The following PSMB7 variants were observed in gnomAD, a reference collection of about 807,000 sequenced individuals.
PSMB7 encodes the protein proteasome 20S subunit beta 7.
A neutral mutation model predicts 28.1 loss-of-function variants in PSMB7; 5 were observed. That is an observed-to-expected ratio of 0.18 (90% CI 0.09 to 0.37). The LOEUF (loss-of-function observed/expected upper bound fraction) is 0.37, where lower values mean the gene tolerates loss of function less well. Ranked by LOEUF, PSMB7 falls within the 10% of genes least tolerant of loss-of-function variation. The pLI is 1.00. For synonymous variants in PSMB7, 122 were observed against 123.7 expected (o/e 0.99, Z 0.09); for missense variants, 275 against 346.2 (o/e 0.79, Z 1.63).
intron 6 of PSMB7, among the ~76,000 whole-genome samples, chr9:124,369,419 T>C (rs1478409066): frequency 3.3e-5 from 5 of 152,160 alleles, no homozygotes; most frequent in Non-Finnish European, 1.5e-5. Context: ...CCAATTACAC[T>C]GCAACATAAA....
chr9:124,356,753 C>A lies in PSMB7; in HGVS notation c.722+11G>T. 4.4e-6 allele frequency: 7 copies of A among 1,606,806 alleles called. No homozygotes were observed. The highest frequency in any genetic ancestry group is 6.0e-6 in the Non-Finnish European group (7 of 1,174,730). ...AGGGGACCCAGGAAGAACTTCGTCT[C>A]CTTCACTCACCTGGTCCCCTTCTTG... is the stretch of plus-strand genomic sequence containing the variant. On this transcript the variant is annotated intron_variant, in intron 7 of 7. Coordinates refer to ENST00000259457, the MANE Select transcript of PSMB7 (RefSeq NM_002799.4). The surrounding 1 kb of genome is among the most constrained non-coding windows in gnomAD (Gnocchi z 4.4).
intron 3 of PSMB7, among the ~76,000 whole-genome samples, chr9:124,412,885 G>GAGGCCTTGTGCTCAAAGTTGAGT (rs1310462567): frequency 1.3e-5 from 2 of 152,136 alleles, no homozygotes; most frequent in South Asian, 4.1e-4. Flanking sequence ...GAAAATATGA[G>GAGGCCTTGTGCTCAAAGTTGAGT]AGGCCTTGTG....
chr9:124,374,780 T>A (rs1024225931), intron 6 of PSMB7, among the ~76,000 whole-genome samples: 11 of 152,008 alleles, frequency 7.2e-5, no homozygotes, highest in African/African-American at 2.7e-4. Flanking sequence ...GTTTTAAGTG[T>A]GCCACTGCAC....
chr9:124,392,048 A>G (rs971512467), intron 5 of PSMB7, among the ~76,000 whole-genome samples: 25 of 152,250 alleles, frequency 1.6e-4, no homozygotes, highest in Admixed American at 1.3e-3. Flanking sequence ...AGGGGAAAAC[A>G]TTCATTGACG....
intron 6 of PSMB7, among the ~76,000 whole-genome samples, chr9:124,374,374 G>A (rs1271719940): frequency 6.6e-6 from 1 of 152,182 alleles, no homozygotes; most frequent in Non-Finnish European, 1.5e-5. Flanking sequence ...AGTTAGAACA[G>A]GTGAACTGCA....
Position 124,412,399 on chromosome 9 carries a change from A to G in PSMB7, c.348T>C (p.Leu116=). Residue 116 remains leucine (L), a synonymous_variant, in exon 4 of 8, where the codon CTT becomes CTC. Transcript: ENST00000259457. ...TCCGATTGGCTGTCACAACTCTGGG[A>G]AGACGGCCAGTGGAGAGGGAGTGGA... The part of the protein sequence containing the change: ...LELHSLSTGR[L]PRVVTANRML... 6.2e-7 allele frequency: 1 copy of G among 1,614,146 alleles called. No individual in the cohort carries two copies. The highest frequency in any genetic ancestry group is 8.5e-7 in the Non-Finnish European group (1 of 1,179,996).
At chr9:124,415,319 C>G (rs1456482304) in intron 1 of PSMB7, 45 bp downstream of exon 1, 4 of 1,591,606 alleles carry the variant, frequency 2.5e-6, no homozygotes, top group Non-Finnish European at 3.4e-6. Context: ...ACCCGAGCAC[C>G]GCACTCTTCT....
intron 6 of PSMB7, among the ~76,000 whole-genome samples, chr9:124,368,986 G>T (rs183687021): frequency 1.3e-5 from 2 of 152,278 alleles, no homozygotes; most frequent in East Asian, 3.9e-4. Context: ...CCATTCAGCT[G>T]AGTTAAAAGC....
chr9:124,354,422 TC>T (rs1289768261), intron 7 of PSMB7, among the ~76,000 whole-genome samples: 2 of 152,204 alleles, frequency 1.3e-5, no homozygotes, highest in East Asian at 3.8e-4. Flanking sequence ...AACCAACTGT[TC>T]CTCTGCTCTA....
intron 4 of PSMB7, among the ~76,000 whole-genome samples, chr9:124,406,314 G>A (rs2131178548): frequency 6.6e-6 from 1 of 151,882 alleles, no homozygotes; most frequent in Admixed American, 6.6e-5. Context: ...ACCAGCCTGG[G>A]CAATATGGCG....
intron 5 of PSMB7, chr9:124,398,519 T>A (rs1312587042): frequency 3.1e-6 from 1 of 318,034 alleles, no homozygotes; most frequent in Non-Finnish European, 6.4e-6. Context: ...TGTTTTTGGG[T>A]AGTAAAATTG....
intron 6 of PSMB7, among the ~76,000 whole-genome samples, chr9:124,375,013 C>T (rs1163804574): frequency 2.6e-5 from 4 of 151,592 alleles, no homozygotes; most frequent in Non-Finnish European, 4.4e-5. Flanking sequence ...TGGTGGCGCA[C>T]ACCTGTAATC....
At chr9:124,362,648 A>T (rs928647221) in intron 6 of PSMB7, among the ~76,000 whole-genome samples, 1 of 152,210 alleles carries the variant, frequency 6.6e-6, no homozygotes, top group Non-Finnish European at 1.5e-5. Context: ...TTCAAGAGAT[A>T]TATTGTACAA....
In PSMB7 at chr9:124,356,434, C is replaced by A. The variant is rs555479389; in HGVS notation, c.722+330G>T. On this transcript the variant is annotated intron_variant, in intron 7 of 7. Transcript: ENST00000259457. The surrounding 1 kb of genome is among the most constrained non-coding windows in gnomAD (Gnocchi z 4.4). ...TGCTGGGGCTGCCCTGAAAAATGCA[C>A]CTTCTCCCAGAAATCAGGGGATTCT... Among the ~76,000 whole-genome samples the A allele has an allele frequency of 2.6e-4, 40 of 152,286 alleles. 4 individuals are homozygous for A. The highest frequency in any genetic ancestry group is 2.5e-3 in the South Asian group (12 of 4,826).
At position 124,415,032 on chromosome 9, in the gene PSMB7, A is replaced by G. The variant is rs1831072416; in HGVS notation, c.63-97T>C. ...TAACAGAGAACTCAGGAAAGCTGCT[A>G]CTTGTTTTCACGCCCATCTGTTTAA... On this transcript the variant is annotated intron_variant, in intron 1 of 7. Transcript: ENST00000259457. 5.3e-6 allele frequency: 4 copies of G among 759,468 alleles called. No homozygotes were observed. The East Asian group carries it at 1.0e-4, about 20-fold the overall frequency. 47.0% of individuals were successfully genotyped at this position (759,468 alleles called of 1,614,324 possible). A position where few individuals can be genotyped will look rare whatever the true frequency, so the allele number is the denominator to read the frequency against.
At chr9:124,379,795 T>C (rs1329486460) in intron 6 of PSMB7, among the ~76,000 whole-genome samples, 3 of 152,224 alleles carry the variant, frequency 2.0e-5, no homozygotes, top group Non-Finnish European at 4.4e-5. Context: ...AGTGTACTGG[T>C]TATCGTCCTC....
Position 124,353,480 on chromosome 9 carries a change from G to T in PSMB7, c.*118C>A. ...TGCCCAGACCTCAGCTGCCCAATTT[G>T]GTTTTTGTTTTTTATTGAGTTGAGT... On this transcript the variant is annotated 3_prime_UTR_variant, in exon 8 of 8. Transcript: ENST00000259457. 1.3e-6 allele frequency: 1 copy of T among 780,464 alleles called. No homozygotes were observed. Among genetic ancestry groups the T allele is most frequent in the Non-Finnish European group, 2.1e-6 (1 of 465,506 alleles). The allele number at this position is 780,464 out of a possible 1,614,324, so 48.3% of individuals were successfully genotyped here.
chr9:124,399,685 C>A (rs548808390), intron 5 of PSMB7, among the ~76,000 whole-genome samples: 24 of 152,320 alleles, frequency 1.6e-4, no homozygotes, highest in Admixed American at 1.6e-3. Flanking sequence ...AAGGAGCTGG[C>A]GCTGAGGAAC....
intron 6 of PSMB7, among the ~76,000 whole-genome samples, chr9:124,359,582 G>A (rs992218341): frequency 1.1e-4 from 17 of 152,180 alleles, no homozygotes; most frequent in Non-Finnish European, 1.9e-4. Context: ...CCACAAGGCC[G>A]CAGCACCACA....
Sources: gnomAD v4.1 joint callset for allele counts (sites outside exome capture counted in the v4.1 genomes callset) on GRCh38, gnomAD v4.1.1 for gene constraint, Gnocchi (gnomAD v3.1) non-coding constraint, MANE v1.5 for transcripts, NCBI Gene and HGNC (gene_info 2026-07-23, HGNC 2026-07-21) for gene names.